The following MEP1B variants were observed in gnomAD, a reference collection of about 807,000 sequenced individuals.
MEP1B encodes meprin A subunit beta, also known as N-benzoyl-L-tyrosyl-P-amino-benzoic acid hydrolase subunit beta.
Under a neutral mutation model 84.6 loss-of-function variants are expected in MEP1B, and 80 were observed. That is an observed-to-expected ratio of 0.95 (90% CI 0.79 to 1.14). The LOEUF is 1.14. MEP1B is among the 50% of genes most tolerant of loss of function. MEP1B has a pLI of 0.00. For missense variants in MEP1B, 766 were observed against 855.1 expected, an observed-to-expected ratio of 0.90 and a Z score of 1.30; for synonymous variants, 273 against 288.1, an observed-to-expected ratio of 0.95 and a Z score of 0.53.
intron 10 of MEP1B, among the ~76,000 whole-genome samples, chr18:32,211,154 G>C (rs2041022972): frequency 6.6e-6 from 1 of 152,158 alleles, no homozygotes; most frequent in South Asian, 2.1e-4. Flanking sequence ...TATAGTCCCA[G>C]CTACTTGGGA....
rs6506963 is a variant in MEP1B, at chr18:32,206,989, G to A, written c.548-263G>A. On this transcript the variant is annotated intron_variant, in intron 7 of 14. Transcript: ENST00000269202. ...CACTTTCTAGAATCCTCCTTTCCAC[G>A]AGCAATTTTTACAGCCTTAGACTAA... is the stretch of plus-strand genomic sequence containing the variant. 0.099 allele frequency among the ~76,000 whole-genome samples: 15,107 copies of A among 152,168 alleles called. 1,055 individuals are homozygous for A. The highest frequency in any genetic ancestry group is 0.19 in the African/African-American group (7,996 of 41,470).
At chr18:32,193,408 C>T (rs1169938931) in intron 4 of MEP1B, among the ~76,000 whole-genome samples, 1 of 152,062 alleles carries the variant, frequency 6.6e-6, no homozygotes, top group Non-Finnish European at 1.5e-5. Flanking sequence ...TGTTCTCTCA[C>T]AGCATGGAAA....
intron 9 of MEP1B, among the ~76,000 whole-genome samples, chr18:32,210,092 G>A (rs771696070): frequency 3.3e-5 from 5 of 152,100 alleles, no homozygotes; most frequent in Admixed American, 6.5e-5. Context: ...CCAGGGTTTT[G>A]GACACTTGAA....
At chr18:32,206,430 CT>C (rs34535020) in intron 7 of MEP1B, among the ~76,000 whole-genome samples, 12,544 of 133,616 alleles carry the variant, frequency 0.094, 541 homozygotes, top group Non-Finnish European at 0.12. Context: ...TTCAACAACA[CT>C]TTTTTTTTTT....
chr18:32,195,734 G>A (rs2040846929), intron 5 of MEP1B, among the ~76,000 whole-genome samples: 1 of 152,194 alleles, frequency 6.6e-6, no homozygotes. Flanking sequence ...CGTTTATGGA[G>A]AGCCTACTCT....
rs2041046939 is a variant in MEP1B at position 32,213,225 on chromosome 18, G to C, written c.1245G>C (p.Leu415=). The C allele has an allele frequency of 6.2e-7, 1 of 1,613,956 alleles. No homozygotes were observed. The highest frequency in any genetic ancestry group is 1.3e-5 in the African/African-American group (1 of 75,044). ...RKGSGASLGG[L]SIDDINLSET... ...GCTCTGGTGCATCACTGGGTGGTCT[G>C]TCTATTGATGACATCAATCTTTCGG... Residue 415 remains leucine, a synonymous_variant, in exon 11 of 15, where the codon CTG becomes CTC. Coordinates refer to ENST00000269202, the MANE Select transcript of MEP1B (RefSeq NM_005925.3).
chr18:32,203,039 ATCT>A, intron 6 of MEP1B, 29 bp downstream of exon 6: 13 of 1,315,934 alleles, frequency 9.9e-6, no homozygotes, highest in Non-Finnish European at 1.3e-5. Flanking sequence ...CTTCTAAGGC[ATCT>A]AAGGAGAACT....
Position 32,215,244 on chromosome 18 carries a change from T to A in MEP1B, c.1742T>A (p.Ile581Asn), listed in dbSNP as rs776132281. 6.3e-7 allele frequency: 1 copy of A among 1,589,090 alleles called. No individual in the cohort carries two copies. The highest frequency in any genetic ancestry group is 2.2e-5 in the East Asian group (1 of 44,668). ...RDFIKGDDVYILLTVEDISHL... is the reference protein window; with the variant it reads ...RDFIKGDDVYNLLTVEDISHL... ...TTTATAAAAGGAGATGATGTTTATA[T>A]CCTACTGACAGTGGAAGGTATGTCA... The change falls in exon 12 of 15, where the codon ATC becomes AAC. Residue 581 changes from isoleucine (I) to asparagine (N), a missense_variant. Ile to Asn is a moderately radical substitution (Grantham distance 149). Transcript: ENST00000269202.
chr18:32,205,743 T>TATA lies in MEP1B; in HGVS notation c.547+1383_547+1384insATA, dbSNP rs199877169. Among the ~76,000 whole-genome samples, 1,412 of 152,328 alleles carry TATA rather than the reference T, an allele frequency of 9.3e-3. 10 individuals carry two copies. The highest frequency in any genetic ancestry group is 0.032 in the African/African-American group (1,331 of 41,580). On this transcript the variant is annotated intron_variant, in intron 7 of 14. Transcript: ENST00000269202. ...TTAGTATAATGCTAAATGGCCTGAA[T>TATA]GTCTTCTCTAAATATATTCATTTTT...
Position 32,213,204 on chromosome 18 carries a change from TG to T in MEP1B, c.1226del (p.Gly409ValfsTer26). On this transcript the variant is annotated frameshift_variant, in exon 11 of 15. Coordinates refer to ENST00000269202, the MANE Select transcript of MEP1B (RefSeq NM_005925.3). LOFTEE classifies it high-confidence loss of function. ...TGGTGTTTGAAGGACGCAAAGGCTCTGGTGCATCACTGGGTGGTCTGTCTAT... is the reference window on the plus strand; with the variant it reads ...TGGTGTTTGAAGGACGCAAAGGCTCTGTGCATCACTGGGTGGTCTGTCTAT... Reference protein sequence around the residue: ...RVVFEGRKGSGASLGGLSIDD... With the variant: ...RVVFEGRKGSXASLGGLSIDD... 1 of 1,614,046 alleles carries T rather than the reference TG, an allele frequency of 6.2e-7. No homozygotes were observed.
intron 5 of MEP1B, among the ~76,000 whole-genome samples, chr18:32,200,397 T>C (rs115645145): frequency 0.012 from 1,770 of 152,242 alleles, 36 homozygotes; most frequent in African/African-American, 0.04. Flanking sequence ...TATAGAACAA[T>C]TTTTTTCAAT....
At position 32,196,727 on chromosome 18, in the gene MEP1B, C is replaced by G; in HGVS notation, c.250+1242C>G. 3.1e-6 allele frequency: 2 copies of G among 635,798 alleles called. No homozygotes were observed. Among genetic ancestry groups the G allele is most frequent in the Non-Finnish European group, 5.7e-6 (2 of 349,640 alleles). 39.4% of individuals were successfully genotyped at this position (635,798 alleles called of 1,614,324 possible). A position where few individuals can be genotyped will look rare whatever the true frequency, so the allele number is the denominator to read the frequency against. On this transcript the variant is annotated intron_variant, in intron 5 of 14. Transcript: ENST00000269202. This position sits in a 1 kb window ranked among gnomAD's most constrained non-coding sequence, Gnocchi z 4.4. ...GCAGCAGGCTGAGGGCCAGGGACAGCTGCCTGCTGGTGAAGCAGTGCAGGG... is the reference window on the plus strand; with the variant it reads ...GCAGCAGGCTGAGGGCCAGGGACAGGTGCCTGCTGGTGAAGCAGTGCAGGG...
chr18:32,193,029 G>A (rs1181640677), intron 4 of MEP1B, among the ~76,000 whole-genome samples: 3 of 152,028 alleles, frequency 2.0e-5, no homozygotes, highest in Non-Finnish European at 1.5e-5. Context: ...ATTTCTGTGT[G>A]GTTCAAGCCA....
At position 32,206,378 on chromosome 18, in the gene MEP1B, C is replaced by T. The variant is rs958377700; in HGVS notation, c.548-874C>T. 3.3e-5 allele frequency among the ~76,000 whole-genome samples: 5 copies of T among 151,936 alleles called. No homozygotes were observed. In the East Asian group the frequency reaches 7.8e-4, roughly 24 times the overall value. ...TACTTCCATCTCCATCTACTGTGGA[C>T]GTCCTCAGCCTGCCATCGTTGCTGG... is the stretch of plus-strand genomic sequence containing the variant. On this transcript the variant is annotated intron_variant, in intron 7 of 14. Coordinates refer to ENST00000269202, the MANE Select transcript of MEP1B (RefSeq NM_005925.3).
In MEP1B at chr18:32,196,348, G is replaced by T; in HGVS notation, c.250+863G>T. 1.4e-6 allele frequency: 1 copy of T among 701,888 alleles called. No individual in the cohort carries two copies. The allele number at this position is 701,888 out of a possible 1,614,324, so 43.5% of individuals were successfully genotyped here. On this transcript the variant is annotated intron_variant, in intron 5 of 14. Transcript: ENST00000269202. The surrounding 1 kb of genome is among the most constrained non-coding windows in gnomAD (Gnocchi z 4.4). ...GATCTCATGCATGGCGCGCCGCAGGGCCACGGCCAGCTGGGTCAGGCACTT... is the reference window on the plus strand; with the variant it reads ...GATCTCATGCATGGCGCGCCGCAGGTCCACGGCCAGCTGGGTCAGGCACTT...
At chr18:32,219,087 T>G (rs2041123878) in intron 14 of MEP1B, among the ~76,000 whole-genome samples, 1 of 152,130 alleles carries the variant, frequency 6.6e-6, no homozygotes, top group African/African-American at 2.4e-5. Context: ...TCAGAAAAAA[T>G]GCCCAATTAG....
At chr18:32,208,049 TA>T in intron 8 of MEP1B, 69 bp from the exon 9 acceptor site, 1 of 1,525,064 alleles carries the variant, frequency 6.6e-7, no homozygotes, top group Non-Finnish European at 9.0e-7. Flanking sequence ...AATACTGTGA[TA>T]AGTTCAGTTT....
In MEP1B at chr18:32,196,284, G is replaced by A; in HGVS notation, c.250+799G>A. The A allele has an allele frequency of 1.4e-6, 1 of 707,078 alleles. No homozygotes were observed. 43.8% of individuals were successfully genotyped at this position (707,078 alleles called of 1,614,324 possible). ...CGCTGGCCATGCTGGGGGCTGTGAA[G>A]TTGAGGGGCGGGATGTTGTTGCTGG... On this transcript the variant is annotated intron_variant, in intron 5 of 14. Coordinates refer to ENST00000269202, the MANE Select transcript of MEP1B (RefSeq NM_005925.3). The surrounding 1 kb of genome is among the most constrained non-coding windows in gnomAD (Gnocchi z 4.4).
At chr18:32,204,752 A>G (rs1598892143) in intron 7 of MEP1B, among the ~76,000 whole-genome samples, 2 of 152,180 alleles carry the variant, frequency 1.3e-5, no homozygotes, top group East Asian at 1.9e-4. Context: ...TGGTGGCTGG[A>G]AAGTCCAAAA....
Sources: gnomAD v4.1 joint callset for allele counts (sites outside exome capture counted in the v4.1 genomes callset) on GRCh38, gnomAD v4.1.1 for gene constraint, Gnocchi (gnomAD v3.1) non-coding constraint, MANE v1.5 for transcripts, NCBI Gene and HGNC (gene_info 2026-07-23, HGNC 2026-07-21) for gene names.